Variants in TENM3 observed in about 807,000 individuals in gnomAD.
TENM3 encodes the protein teneurin transmembrane protein 3, also known as teneurin-3.
In TENM3, 63 loss-of-function variants were observed where a neutral mutation model predicts 255.1. The ratio of observed to expected loss-of-function variants is 0.25; its 90% CI spans 0.20 to 0.30. The LOEUF (loss-of-function observed/expected upper bound fraction) is 0.30, where lower values mean the gene tolerates loss of function less well. TENM3 is among the 10% of genes least tolerant of loss of function. The pLI, the probability that TENM3 is intolerant of heterozygous loss-of-function variation, is 1.00. For missense variants in TENM3, 2,929 were observed against 3,461.1 expected (o/e 0.85, Z 3.86); for synonymous variants, 1,306 against 1,322.3 (o/e 0.99, Z 0.27).
the TENM3 span, among the ~76,000 whole-genome samples, chr4:181,787,721 T>A: frequency 6.6e-6 from 1 of 152,124 alleles, no homozygotes; most frequent in African/African-American, 2.4e-5. Context: ...AATTAAAGAC[T>A]CTCTGAATCC....
At chr4:182,727,722 T>C (rs1418744125) in intron 13 of TENM3, among the ~76,000 whole-genome samples, 2 of 152,204 alleles carry the variant, frequency 1.3e-5, no homozygotes, top group Non-Finnish European at 2.9e-5. Flanking sequence ...TTATTATTTC[T>C]AATATTATGG....
chr4:181,788,130 GT>G, the TENM3 span, among the ~76,000 whole-genome samples: 1 of 152,244 alleles, frequency 6.6e-6, no homozygotes, highest in Non-Finnish European at 1.5e-5. Flanking sequence ...ATTTTATGGA[GT>G]TTGGTTTCAC....
the TENM3 span, among the ~76,000 whole-genome samples, chr4:181,712,891 A>AACAAG: frequency 6.6e-6 from 1 of 152,236 alleles, no homozygotes; most frequent in Non-Finnish European, 1.5e-5. Context: ...CTTCTTTTCT[A>AACAAG]ATGTCACAAG....
chr4:182,075,884 G>A, the TENM3 span, among the ~76,000 whole-genome samples: 136,276 of 152,142 alleles, frequency 0.9, 61,968 homozygotes, highest in Non-Finnish European at 0.99. Context: ...GTACATTCCT[G>A]CAGTCTCACC....
rs28454053 is a variant in TENM3, at chr4:182,200,772, G to A, written c.-76+56018G>A. On this transcript the variant is annotated intron_variant, in intron 1 of 2. Coordinates refer to the TENM3 transcript ENST00000512480. ...GATGTCAATTGCTATGAAATGAGCC[G>A]TTCATACAAACAGAACCAGCCAAGG... is the stretch of plus-strand genomic sequence containing the variant. 9.5e-3 allele frequency among the ~76,000 whole-genome samples: 1,431 copies of A among 150,464 alleles called. 20 individuals are homozygous for A. Among genetic ancestry groups the A allele is most frequent in the African/African-American group, 0.034 (1,380 of 40,974 alleles).
the TENM3 span, among the ~76,000 whole-genome samples, chr4:181,913,572 G>A: frequency 3.9e-5 from 6 of 152,092 alleles, no homozygotes; most frequent in Non-Finnish European, 7.4e-5. Flanking sequence ...GCAAGGGTAC[G>A]AGTCAGAGTG....
At chr4:182,468,399 A>G (rs149585281) in intron 3 of TENM3, among the ~76,000 whole-genome samples, 4 of 152,310 alleles carry the variant, frequency 2.6e-5, no homozygotes, top group South Asian at 4.1e-4. Flanking sequence ...GCCAGAAGAC[A>G]TGAGTCCTGA....
chr4:182,408,893 G>A lies in TENM3; in HGVS notation c.511+61964G>A, dbSNP rs193291242. On this transcript the variant is annotated intron_variant, in intron 3 of 27. Transcript: ENST00000511685. ...GCCTCCTTCCCGTTAAATTATCAGT[G>A]TGAGCATTAATTCAAGATGTGAAAC... is the stretch of plus-strand genomic sequence containing the variant. 1.5e-4 allele frequency among the ~76,000 whole-genome samples: 23 copies of A among 152,334 alleles called. No homozygotes were observed. The East Asian group carries it at 1.7e-3, about 11-fold the overall frequency.
At chr4:181,814,142 G>T in the TENM3 span, among the ~76,000 whole-genome samples, 1 of 152,104 alleles carries the variant, frequency 6.6e-6, no homozygotes, top group African/African-American at 2.4e-5. Flanking sequence ...GCTGCTTACA[G>T]AACAAGTATA....
chr4:182,801,145 TA>T lies in TENM3; in HGVS notation c.*798del, dbSNP rs200246582. ...AAAAACGTGAACTGTGTGATTTTTT[TA>T]AAAGGATTGCACCTTTTGTTATCTG... On this transcript the variant is annotated 3_prime_UTR_variant, in exon 28 of 28. Coordinates refer to ENST00000511685, the MANE Select transcript of TENM3 (RefSeq NM_001080477.4). The T allele has an allele frequency of 0.027, 4,168 of 152,758 alleles. 107 individuals are homozygous for T. Among genetic ancestry groups the T allele is most frequent in the African/African-American group, 0.069 (2,847 of 41,562 alleles). The allele number at this position is 152,758 out of a possible 1,614,324, so 9.5% of individuals were successfully genotyped here.
chr4:182,649,541 A>G (rs1753066624), intron 5 of TENM3, among the ~76,000 whole-genome samples: 1 of 150,532 alleles, frequency 6.6e-6, no homozygotes, highest in Non-Finnish European at 1.5e-5. Context: ...GATTAAATCT[A>G]CATGATTATT....
At chr4:181,881,819 T>C in the TENM3 span, among the ~76,000 whole-genome samples, 1 of 152,184 alleles carries the variant, frequency 6.6e-6, no homozygotes, top group Non-Finnish European at 1.5e-5. Context: ...AATTGTAACA[T>C]GTAAGCTGAA....
chr4:182,298,407 A>G (rs1213717035), intron 1 of TENM3, among the ~76,000 whole-genome samples: 1 of 152,200 alleles, frequency 6.6e-6, no homozygotes, highest in Non-Finnish European at 1.5e-5. Flanking sequence ...TCAAATACAA[A>G]GAGTTGAACT....
the TENM3 span, among the ~76,000 whole-genome samples, chr4:181,942,682 A>T: frequency 6.6e-6 from 1 of 152,208 alleles, no homozygotes; most frequent in Non-Finnish European, 1.5e-5. Context: ...ACTGGGAAAA[A>T]ATATTTGGCC....
chr4:182,714,375 A>G lies in TENM3; in HGVS notation c.2368+142A>G, dbSNP rs527883785. The G allele has an allele frequency of 1.6e-5, 11 of 674,358 alleles. No individual in the cohort carries two copies. The African/African-American group carries it at 1.7e-4, about 10-fold the overall frequency. The allele number at this position is 674,358 out of a possible 1,614,324, so 41.8% of individuals were successfully genotyped here. ...ATCGATTAGATTGATTGAAAAATGTATGAGTGCTGATAGAATGATTTTGCT... is the reference window on the plus strand; with the variant it reads ...ATCGATTAGATTGATTGAAAAATGTGTGAGTGCTGATAGAATGATTTTGCT... On this transcript the variant is annotated intron_variant, in intron 13 of 27. Coordinates refer to ENST00000511685, the MANE Select transcript of TENM3 (RefSeq NM_001080477.4).
chr4:182,374,946 G>C (rs1303192294), intron 3 of TENM3, among the ~76,000 whole-genome samples: 1 of 151,980 alleles, frequency 6.6e-6, no homozygotes, highest in Non-Finnish European at 1.5e-5. Context: ...CATTGTAATG[G>C]AGTCTTCTTT....
chr4:181,996,764 G>C, the TENM3 span, among the ~76,000 whole-genome samples: 3 of 152,136 alleles, frequency 2.0e-5, no homozygotes, highest in Non-Finnish European at 2.9e-5. Flanking sequence ...AAGAAATCAC[G>C]ATCAGCAGAA....
At chr4:181,530,771 A>G in the TENM3 span, among the ~76,000 whole-genome samples, 1 of 152,306 alleles carries the variant, frequency 6.6e-6, no homozygotes, top group African/African-American at 2.4e-5. Flanking sequence ...TAACTGTCGT[A>G]TTCGTTGGAG....
At chr4:182,497,011 A>G (rs947309111) in intron 3 of TENM3, among the ~76,000 whole-genome samples, 1 of 152,162 alleles carries the variant, frequency 6.6e-6, no homozygotes, top group Non-Finnish European at 1.5e-5. Context: ...GGGGTTTCCA[A>G]AGCAATTCCA....
Sources: gnomAD v4.1 joint callset for allele counts (sites outside exome capture counted in the v4.1 genomes callset) on GRCh38, gnomAD v4.1.1 for gene constraint, MANE v1.5 for transcripts, NCBI Gene and HGNC (gene_info 2026-07-23, HGNC 2026-07-21) for gene names.